The following TIMELESS variants were observed in gnomAD, a reference collection of about 807,000 sequenced individuals.
The protein encoded by TIMELESS is protein timeless homolog.
In TIMELESS, 124 loss-of-function variants were observed where a neutral mutation model predicts 164.3. The observed-to-expected ratio is 0.75, with a 90% CI of 0.65 to 0.88. The LOEUF (loss-of-function observed/expected upper bound fraction) is 0.88, where lower values mean the gene tolerates loss of function less well. TIMELESS is among the 40% of genes least tolerant of loss of function. The probability of loss-of-function intolerance (pLI) is 0.00; values close to 1 mark genes in which losing one functional copy is unlikely to be tolerated. For synonymous variants in TIMELESS, 564 were observed against 563.4 expected (o/e 1.00, Z -0.02); for missense variants, 1,422 against 1,491.4 (o/e 0.95, Z 0.77).
At chr12:56,447,741 T>C (rs369765928) in intron 1 of TIMELESS, among the ~76,000 whole-genome samples, 26 of 152,046 alleles carry the variant, frequency 1.7e-4, no homozygotes, top group African/African-American at 6.3e-4. Context: ...CCCCTGGTAA[T>C]AGAGGGGGGT....
In TIMELESS at chr12:56,421,410, C is replaced by A; in HGVS notation, c.2809G>T (p.Val937Leu). The A allele has an allele frequency of 6.2e-7, 1 of 1,614,128 alleles. No homozygotes were observed. Among genetic ancestry groups the A allele is most frequent in the Non-Finnish European group, 8.5e-7 (1 of 1,180,014 alleles). The change falls in exon 23 of 29, where the codon GTG becomes TTG. Residue 937 changes from valine to leucine, a missense_variant. Val to Leu is a conservative substitution (Grantham distance 32, BLOSUM62 1). Transcript: ENST00000553532. ...IVDKLLALGL[V>L]AERRELYKKR... ...TTGTACAGCTCCCGCCGCTCAGCCA[C>A]CAGCCCCAGAGCCAAGAGTTTATCC... is the stretch of plus-strand genomic sequence containing the variant.
At chr12:56,442,720 A>G (rs1868293785) in intron 1 of TIMELESS, among the ~76,000 whole-genome samples, 1 of 152,188 alleles carries the variant, frequency 6.6e-6, no homozygotes, top group African/African-American at 2.4e-5. Context: ...CTCTATAGTG[A>G]TATAAGATAG....
In TIMELESS at chr12:56,433,069, A is replaced by G. The variant is rs770759977; in HGVS notation, c.488T>C (p.Val163Ala). Reference sequence around the variant, plus strand: ...AGCTGGGACATGGAGAATATTTCTGACCAGCAGTAGGATCCGTTCAATCAG... The same window carrying G: ...AGCTGGGACATGGAGAATATTTCTGGCCAGCAGTAGGATCCGTTCAATCAG... Reference protein sequence around the residue: ...NLLIERILLLVRNILHVPADL... With the variant: ...NLLIERILLLARNILHVPADL... Residue 163 changes from valine (V) to alanine (A), a missense_variant, in exon 6 of 29, where the codon GTC (valine) becomes GCC (alanine). Physicochemically the swap from Val to Ala is moderately conservative, Grantham distance 64 (BLOSUM62 0). Coordinates refer to ENST00000553532, the MANE Select transcript of TIMELESS (RefSeq NM_003920.5). 2.5e-6 allele frequency: 4 copies of G among 1,613,806 alleles called. No homozygotes were observed. Among genetic ancestry groups the G allele is most frequent in the Non-Finnish European group, 3.4e-6 (4 of 1,180,000 alleles).
intron 1 of TIMELESS, among the ~76,000 whole-genome samples, chr12:56,446,275 G>A (rs1434684984): frequency 6.6e-6 from 1 of 152,134 alleles, no homozygotes; most frequent in African/African-American, 2.4e-5. Context: ...ACACTTCAAT[G>A]GATACATAAG....
intron 23 of TIMELESS, 58 bp from the exon 24 acceptor site, chr12:56,421,192 G>T: frequency 1.2e-6 from 2 of 1,608,046 alleles, no homozygotes; most frequent in Non-Finnish European, 1.7e-6. Context: ...GAACTTAGTG[G>T]AGTCTCCTCG....
intron 26 of TIMELESS, 59 bp from the exon 27 acceptor site, chr12:56,418,418 A>G: frequency 8.0e-7 from 1 of 1,257,664 alleles, no homozygotes; most frequent in Non-Finnish European, 1.1e-6. Flanking sequence ...CCAGAGTATG[A>G]TATTCATTGA....
chr12:56,417,983 C>A lies in TIMELESS; in HGVS notation c.3480G>T (p.Pro1160=). The A allele has an allele frequency of 1.9e-6, 3 of 1,614,182 alleles. No individual in the cohort carries two copies. Among genetic ancestry groups the A allele is most frequent in the Non-Finnish European group, 2.5e-6 (3 of 1,180,046 alleles). The change falls in exon 28 of 29, where the codon CCG becomes CCT. Residue 1160 remains proline, a synonymous_variant. Coordinates refer to ENST00000553532, the MANE Select transcript of TIMELESS (RefSeq NM_003920.5). ...GTCGTTTCTTGGGTGCTGCCTTCAG[C>A]GGCTCTTTACCAACAGCGTCTTCCT... ...PEEEDAVGKE[P]LKAAPKKRQL...
At chr12:56,423,952 A>C in intron 15 of TIMELESS, 58 bp from the exon 16 acceptor site, 1 of 1,451,118 alleles carries the variant, frequency 6.9e-7, no homozygotes, top group Admixed American at 1.7e-5. Flanking sequence ...TAAATTTATA[A>C]TTCGAAGTAG....
intron 1 of TIMELESS, among the ~76,000 whole-genome samples, chr12:56,436,030 G>C (rs577388453): frequency 4.6e-5 from 7 of 151,146 alleles, no homozygotes; most frequent in African/African-American, 1.7e-4. Context: ...TATAATCTCA[G>C]CTATGTCCTT....
chr12:56,422,989 G>C lies in TIMELESS; in HGVS notation c.2296C>G (p.Leu766Val). The change falls in exon 19 of 29, where the codon CTA becomes GTA. Residue 766 changes from leucine (L) to valine (V), a missense_variant. Leu to Val is a conservative substitution (Grantham distance 32, BLOSUM62 1). Coordinates refer to ENST00000553532, the MANE Select transcript of TIMELESS (RefSeq NM_003920.5). ...AGGATGTATTTGGCAAAAGTCACTA[G>C]CTCCTGTAGGAGAAGGAGGTTACTA... ...SDPAAGAYKELVTFAKYILGK... is the reference protein window; with the variant it reads ...SDPAAGAYKEVVTFAKYILGK... The C allele has an allele frequency of 1.2e-6, 2 of 1,613,300 alleles. No homozygotes were observed. The highest frequency in any genetic ancestry group is 1.7e-6 in the Non-Finnish European group (2 of 1,179,664).
chr12:56,425,775 C>A (rs369638812), intron 13 of TIMELESS, among the ~76,000 whole-genome samples: 1 of 151,508 alleles, frequency 6.6e-6, no homozygotes, highest in African/African-American at 2.4e-5. Flanking sequence ...CTTGGGAGGC[C>A]GAGGCAGAAG....
chr12:56,439,704 G>A (rs776376611), intron 1 of TIMELESS, among the ~76,000 whole-genome samples: 1 of 151,962 alleles, frequency 6.6e-6, no homozygotes, highest in Admixed American at 6.6e-5. Flanking sequence ...AGCCTGAATT[G>A]TACACTTTAA....
chr12:56,435,411 TAC>T (rs1467887191), intron 1 of TIMELESS, among the ~76,000 whole-genome samples: 10 of 150,370 alleles, frequency 6.7e-5, no homozygotes, highest in African/African-American at 2.0e-4. Context: ...CAGGCTGGAG[TAC>T]AGTGGCATGA....
Position 56,418,372 on chromosome 12 carries a change from A to G in TIMELESS, c.3229-13T>C, listed in dbSNP as rs1004176409. ...GCCAGAAGGTTTCCTACAGGGGCCA[A>G]AAAGTTGAAAAGGGAAAGGACCAGC... On this transcript the variant is annotated splice_polypyrimidine_tract_variant and intron_variant, in intron 26 of 28. Transcript: ENST00000553532. The G allele has an allele frequency of 1.1e-5, 17 of 1,582,818 alleles. No homozygotes were observed. Among genetic ancestry groups the G allele is most frequent in the African/African-American group, 1.4e-5 (1 of 73,252 alleles).
rs754328860 is a variant in TIMELESS, at chr12:56,417,961, G to C, written c.3502C>G (p.Arg1168Gly). Residue 1168 changes from arginine (R) to glycine (G), a missense_variant, in exon 28 of 29, where the codon CGA becomes GGA. Transcript: ENST00000553532. ...TCCTCGTCGCTGTCCAGCAATTGTC[G>C]TTTCTTGGGTGCTGCCTTCAGCGGC... ...KEPLKAAPKK[R>G]QLLDSDEEQE... 1 of 1,614,042 alleles carries C rather than the reference G, an allele frequency of 6.2e-7. No individual in the cohort carries two copies. The highest frequency in any genetic ancestry group is 8.5e-7 in the Non-Finnish European group (1 of 1,180,046).
At chr12:56,439,956 G>C (rs1431261556) in intron 1 of TIMELESS, among the ~76,000 whole-genome samples, 2 of 151,996 alleles carry the variant, frequency 1.3e-5, no homozygotes, top group African/African-American at 2.4e-5. Flanking sequence ...AAACACCACA[G>C]AGCCAATGGA....
Position 56,431,380 on chromosome 12 carries a change from ATGT to A in TIMELESS, c.821+88_821+90del, listed in dbSNP as rs1881874917. ...AAAAAAAAAAAAAAAAAACACTAAA[ATGT>A]TGTTCAATCACCCCACCTTAGAATT... On this transcript the variant is annotated intron_variant, in intron 8 of 28. Coordinates refer to ENST00000553532, the MANE Select transcript of TIMELESS (RefSeq NM_003920.5). 2.8e-5 allele frequency: 39 copies of A among 1,402,546 alleles called. No individual in the cohort carries two copies. In the South Asian group the frequency reaches 5.4e-4, roughly 19 times the overall value. 86.9% of individuals were successfully genotyped at this position (1,402,546 alleles called of 1,614,324 possible).
At chr12:56,426,710 T>C (rs994849686) in intron 13 of TIMELESS, among the ~76,000 whole-genome samples, 6 of 151,940 alleles carry the variant, frequency 3.9e-5, no homozygotes, top group African/African-American at 1.5e-4. Flanking sequence ...CAGGTGCGCA[T>C]GACCATGCCT....
chr12:56,429,114 A>G lies in TIMELESS; in HGVS notation c.1087-14T>C, dbSNP rs1472663751. ...AAGCAGGTGATCCTGACATTTAAAA[A>G]AGAAAAAAAAAGATCACCATGACTC... On this transcript the variant is annotated splice_polypyrimidine_tract_variant and intron_variant, in intron 10 of 28. Transcript: ENST00000553532. 6.2e-7 allele frequency: 1 copy of G among 1,604,728 alleles called. No homozygotes were observed. The highest frequency in any genetic ancestry group is 1.7e-5 in the Admixed American group (1 of 58,626).
Sources: gnomAD v4.1 joint callset for allele counts (sites outside exome capture counted in the v4.1 genomes callset) on GRCh38, gnomAD v4.1.1 for gene constraint, MANE v1.5 for transcripts, NCBI Gene and HGNC (gene_info 2026-07-23, HGNC 2026-07-21) for gene names.